SYTL4: variants seen among roughly 807,000 people sequenced by gnomAD.
SYTL4 encodes synaptotagmin-like protein 4.
Under a neutral mutation model 52.7 loss-of-function variants are expected in SYTL4, and 16 were observed. The observed-to-expected ratio is 0.30, with a 90% CI of 0.21 to 0.46. SYTL4 has a LOEUF of 0.46. Ranked by LOEUF, SYTL4 falls within the 20% of genes least tolerant of loss-of-function variation. SYTL4 has a pLI of 1.00. For missense variants in SYTL4, 423 were observed against 519.9 expected (o/e 0.81, Z 1.81); for synonymous variants, 160 against 186.6 (o/e 0.86, Z 1.16).
intron 2 of SYTL4, among the ~76,000 whole-genome samples, chrX:100,713,862 A>G (rs1278593485): frequency 9.0e-6 from 1 of 111,407 alleles, no homozygotes; most frequent in Non-Finnish European, 1.9e-5. Flanking sequence ...CAGGCAAAAA[A>G]AAAACACTGT....
intron 2 of SYTL4, among the ~76,000 whole-genome samples, chrX:100,716,450 C>CAAAAAAAAAAAAAAAAAAAAAAAA (rs200368843): frequency 7.8e-5 from 2 of 25,792 alleles, no homozygotes; most frequent in Non-Finnish European, 5.5e-5. Flanking sequence ...AACTCCATCT[C>CAAAAAAAAAAAAAAAAAAAAAAAA]AAAAAAAAAA....
At chrX:100,705,691 C>G (rs1157546093) in intron 2 of SYTL4, among the ~76,000 whole-genome samples, 2 of 111,255 alleles carry the variant, frequency 1.8e-5, no homozygotes, top group Non-Finnish European at 3.8e-5. Context: ...GAGAAAGGCA[C>G]GTTGGCATAA....
intron 2 of SYTL4, among the ~76,000 whole-genome samples, chrX:100,720,065 TA>T (rs1221276271): frequency 8.9e-6 from 1 of 112,008 alleles, no homozygotes; most frequent in Non-Finnish European, 1.9e-5. Flanking sequence ...ATGTGATACA[TA>T]GAAGTAACTC....
chrX:100,724,236 G>A (rs1489203553), intron 2 of SYTL4, among the ~76,000 whole-genome samples: 2 of 105,450 alleles, frequency 1.9e-5, no homozygotes, highest in African/African-American at 7.0e-5. Context: ...GCCCCGTCCA[G>A]GAGGGAGGTG....
At chrX:100,693,025 G>T (rs762786504) in intron 8 of SYTL4, among the ~76,000 whole-genome samples, 1 of 111,860 alleles carries the variant, frequency 8.9e-6, no homozygotes, top group South Asian at 3.8e-4. Context: ...CCACCTCCTG[G>T]GTTCAAGCGA....
intron 8 of SYTL4, among the ~76,000 whole-genome samples, chrX:100,698,397 C>G (rs1422616742): frequency 8.9e-6 from 1 of 111,881 alleles, no homozygotes; most frequent in African/African-American, 3.2e-5. Flanking sequence ...GCCACTGTGC[C>G]CAGCCCTTAA....
intron 2 of SYTL4, among the ~76,000 whole-genome samples, chrX:100,711,291 T>C (rs2084061997): frequency 9.0e-6 from 1 of 111,506 alleles, no homozygotes; most frequent in South Asian, 3.8e-4. Context: ...TGGTACCCAG[T>C]AAAAAACTAA....
chrX:100,716,450 CAAAAAAAAAAAAAAAAAAAA>C (rs200368843), intron 2 of SYTL4, among the ~76,000 whole-genome samples: 1 of 25,792 alleles, frequency 3.9e-5, no homozygotes, highest in African/African-American at 2.9e-4. Flanking sequence ...AACTCCATCT[CAAAAAAAAAAAAAAAAAAAA>C]AAAAAAAAAA....
chrX:100,731,843 G>A (rs2084654855), intron 1 of SYTL4, among the ~76,000 whole-genome samples, 161 bp downstream of exon 1: 1 of 111,296 alleles, frequency 9.0e-6, no homozygotes, highest in South Asian at 3.9e-4. Context: ...GGGAGACGCG[G>A]TCAGCTAGGG....
At chrX:100,702,527 A>G (rs1412473196) in intron 4 of SYTL4, among the ~76,000 whole-genome samples, 1 of 112,382 alleles carries the variant, frequency 8.9e-6, no homozygotes, top group Non-Finnish European at 1.9e-5. Flanking sequence ...GGCTCCTGCC[A>G]GTTTAAGCCC....
At chrX:100,726,443 A>AG (rs2084519584) in intron 2 of SYTL4, among the ~76,000 whole-genome samples, 1 of 109,990 alleles carries the variant, frequency 9.1e-6, no homozygotes, top group African/African-American at 3.3e-5. Flanking sequence ...TTGGGGGCGG[A>AG]GGGGCTCTCT....
chrX:100,700,994 T>C lies in SYTL4; in HGVS notation c.442A>G (p.Lys148Glu), dbSNP rs780062781. ...AGGGACTGTCCCACTGTCTCTCTTT[T>C]ACTCACTTCAAGACAAAGAAAAGTA... is the stretch of plus-strand genomic sequence containing the variant. ...MSLRHKPAVSKRETVGQSLLH... is the reference protein window; with the variant it reads ...MSLRHKPAVSERETVGQSLLH... The change falls in exon 8 of 20, where the codon AAA becomes GAA. Residue 148 changes from lysine to glutamate, a missense_variant. Lys to Glu is a moderately conservative substitution (Grantham distance 56, BLOSUM62 1). Transcript: ENST00000372989. 8.3e-7 allele frequency: 1 copy of C among 1,201,048 alleles called. No homozygotes were observed. The highest frequency in any genetic ancestry group is 1.1e-6 in the Non-Finnish European group (1 of 885,886).
intron 2 of SYTL4, among the ~76,000 whole-genome samples, chrX:100,716,249 A>T (rs1395075493): frequency 9.3e-6 from 1 of 107,711 alleles, no homozygotes; most frequent in Non-Finnish European, 1.9e-5. Context: ...TGGGAGTTCA[A>T]GACCAGCCTG....
intron 2 of SYTL4, among the ~76,000 whole-genome samples, chrX:100,717,604 C>T (rs1246392033): frequency 8.9e-6 from 1 of 112,600 alleles, no homozygotes; most frequent in Non-Finnish European, 1.9e-5. Flanking sequence ...CGCAAAAACA[C>T]GGCTAATTAG....
intron 19 of SYTL4, among the ~76,000 whole-genome samples, chrX:100,677,586 C>T (rs1042887387): frequency 3.6e-5 from 4 of 111,943 alleles, no homozygotes; most frequent in Non-Finnish European, 5.6e-5. Context: ...TGCCAAGCAC[C>T]AACATTTAGA....
chrX:100,727,897 G>C (rs1156665477), intron 2 of SYTL4, among the ~76,000 whole-genome samples: 1 of 111,737 alleles, frequency 8.9e-6, no homozygotes. Flanking sequence ...AGGGCAATCG[G>C]GAGTGCCGTT....
intron 9 of SYTL4, 33 bp downstream of exon 9, chrX:100,691,075 G>T: frequency 9.5e-7 from 1 of 1,052,551 alleles, no homozygotes; most frequent in South Asian, 2.0e-5. Flanking sequence ...AACTTGGGTT[G>T]AGAGGAGATG....
chrX:100,697,310 G>A (rs1479398788), intron 8 of SYTL4, among the ~76,000 whole-genome samples: 1 of 112,048 alleles, frequency 8.9e-6, no homozygotes, highest in Non-Finnish European at 1.9e-5. Context: ...TACAAGGAAA[G>A]AAATATAAAA....
Position 100,686,685 on chromosome X carries a change from C to A in SYTL4, c.1281G>T (p.Thr427=). ...RDTINPLYDE[T]LRYEIPESLL... ...TTGAGGTCTAGATACTTACCCTCAG[C>A]GTCTCATCATATAGTGGATTAATAG... The change falls in exon 15 of 20, where the codon ACG becomes ACT. Residue 427 remains threonine (T), a synonymous_variant. Coordinates refer to ENST00000372989, the MANE Select transcript of SYTL4 (RefSeq NM_001370165.1). 1 of 1,199,704 alleles carries A rather than the reference C, an allele frequency of 8.3e-7. No homozygotes were observed. The highest frequency in any genetic ancestry group is 1.1e-6 in the Non-Finnish European group (1 of 885,154).
Sources: allele counts gnomAD v4.1 joint callset (sites outside exome capture counted in the v4.1 genomes callset), GRCh38; gene constraint gnomAD v4.1.1; transcripts MANE v1.5; gene names NCBI Gene and HGNC (gene_info 2026-07-23, HGNC 2026-07-21).